The following MAGI2 variants were observed in gnomAD, a reference collection of about 807,000 sequenced individuals.
The protein encoded by MAGI2 is membrane associated guanylate kinase, WW and PDZ domain containing 2.
A neutral mutation model predicts 133.3 loss-of-function variants in MAGI2; 35 were observed. The ratio of observed to expected loss-of-function variants is 0.26; its 90% CI spans 0.20 to 0.35. The LOEUF (loss-of-function observed/expected upper bound fraction) is 0.35. Among genes scored for constraint, MAGI2 ranks in the 10% least tolerant of loss-of-function variants. MAGI2 has a pLI of 1.00. For synonymous variants in MAGI2, 729 were observed against 710.6 expected (o/e 1.03, Z -0.41); for missense variants, 1,636 against 1,863.4 (o/e 0.88, Z 2.25).
chr7:79,123,534 C>T (rs1455983757), intron 1 of MAGI2, among the ~76,000 whole-genome samples: 1 of 151,920 alleles, frequency 6.6e-6, no homozygotes, highest in Non-Finnish European at 1.5e-5. Context: ...GCCTGTAATC[C>T]CAGCACTTTG....
chr7:78,504,424 G>A (rs956057379), intron 4 of MAGI2, among the ~76,000 whole-genome samples: 1 of 152,074 alleles, frequency 6.6e-6, no homozygotes, highest in African/African-American at 2.4e-5. Flanking sequence ...CTTATTTGTT[G>A]GGGAAGAGTA....
chr7:78,708,404 GAAT>G (rs1448620467), intron 2 of MAGI2, among the ~76,000 whole-genome samples: 6 of 152,218 alleles, frequency 3.9e-5, no homozygotes, highest in South Asian at 2.1e-4. Context: ...CATCTTTCAA[GAAT>G]AATTCAGAGC....
intron 2 of MAGI2, among the ~76,000 whole-genome samples, chr7:78,696,391 T>A (rs1817517708): frequency 6.6e-6 from 1 of 152,226 alleles, no homozygotes; most frequent in Non-Finnish European, 1.5e-5. Flanking sequence ...ACCCTCCTAC[T>A]GTGGCAAAAT....
chr7:78,741,985 C>G (rs971847109), intron 2 of MAGI2, among the ~76,000 whole-genome samples: 1 of 151,644 alleles, frequency 6.6e-6, no homozygotes, highest in African/African-American at 2.4e-5. Context: ...TGATTAATAA[C>G]TAGAAATTAA....
chr7:79,449,200 C>G (rs1215749548), intron 1 of MAGI2, among the ~76,000 whole-genome samples: 1 of 151,994 alleles, frequency 6.6e-6, no homozygotes, highest in Non-Finnish European at 1.5e-5. Flanking sequence ...TGAAGTCAGT[C>G]AAGAAGAAAG....
At chr7:79,115,945 A>AT (rs1429970550) in intron 1 of MAGI2, among the ~76,000 whole-genome samples, 2 of 140,370 alleles carry the variant, frequency 1.4e-5, no homozygotes, top group Non-Finnish European at 3.0e-5. Context: ...ATAAAACACC[A>AT]TTTTCCAGAT....
intron 1 of MAGI2, among the ~76,000 whole-genome samples, chr7:79,369,200 G>A (rs1842913435): frequency 6.6e-6 from 1 of 152,038 alleles, no homozygotes; most frequent in East Asian, 1.9e-4. Flanking sequence ...CTTAGAAAAC[G>A]ACTTCTTATG....
intron 1 of MAGI2, among the ~76,000 whole-genome samples, chr7:79,023,243 T>A (rs1809526537): frequency 6.6e-6 from 1 of 152,146 alleles, no homozygotes; most frequent in Non-Finnish European, 1.5e-5. Flanking sequence ...ACAACATGAT[T>A]ATATCAATAG....
At chr7:78,877,601 A>G (rs1442643130) in intron 2 of MAGI2, among the ~76,000 whole-genome samples, 2 of 152,216 alleles carry the variant, frequency 1.3e-5, no homozygotes, top group African/African-American at 2.4e-5. Flanking sequence ...AGGCACTGCT[A>G]TTAATCAGCT....
At chr7:79,056,623 T>C (rs917929200) in intron 1 of MAGI2, among the ~76,000 whole-genome samples, 1 of 152,200 alleles carries the variant, frequency 6.6e-6, no homozygotes, top group South Asian at 2.1e-4. Context: ...CTCCTTCTAA[T>C]TGGGTAGATG....
chr7:78,624,242 A>G (rs2150947563), intron 3 of MAGI2, among the ~76,000 whole-genome samples: 1 of 152,136 alleles, frequency 6.6e-6, no homozygotes, highest in Middle Eastern at 3.4e-3. Context: ...AGATTGAGAC[A>G]TTTTCTCCCA....
chr7:79,130,528 A>T (rs1585001197), intron 1 of MAGI2, among the ~76,000 whole-genome samples: 1 of 152,170 alleles, frequency 6.6e-6, no homozygotes, highest in East Asian at 1.9e-4. Context: ...TTCACATCAC[A>T]TGCATCACAT....
At chr7:78,251,249 A>C (rs1792354308) in intron 10 of MAGI2, among the ~76,000 whole-genome samples, 1 of 152,230 alleles carries the variant, frequency 6.6e-6, no homozygotes, top group Non-Finnish European at 1.5e-5. Context: ...GATAAAGGGC[A>C]TATAAAAATC....
intron 1 of MAGI2, among the ~76,000 whole-genome samples, chr7:79,101,994 T>C (rs894683541): frequency 3.3e-5 from 5 of 152,076 alleles, no homozygotes; most frequent in African/African-American, 1.2e-4. Context: ...TTTTGCTTTA[T>C]ACCTTACATT....
rs115945255 is a variant in MAGI2, at chr7:78,184,059, T to A, written c.2311+1570A>T. On this transcript the variant is annotated intron_variant, in intron 13 of 21. Coordinates refer to ENST00000354212, the MANE Select transcript of MAGI2 (RefSeq NM_012301.4). ...TTTAAAAAGGTAAAAACTATTACTT[T>A]GCATATATGTCAAAGTAATCTAAAC... 1.7e-3 allele frequency among the ~76,000 whole-genome samples: 265 copies of A among 152,382 alleles called. 1 individual carries two copies. Among genetic ancestry groups the A allele is most frequent in the African/African-American group, 6.1e-3 (253 of 41,598 alleles).
At chr7:78,458,851 G>A (rs960329281) in intron 6 of MAGI2, among the ~76,000 whole-genome samples, 3 of 152,104 alleles carry the variant, frequency 2.0e-5, no homozygotes, top group African/African-American at 7.2e-5. Context: ...AGCCAGGATG[G>A]TCTAGATCTC....
intron 6 of MAGI2, among the ~76,000 whole-genome samples, chr7:78,413,504 G>A (rs1798037832): frequency 6.6e-6 from 1 of 151,996 alleles, no homozygotes; most frequent in Non-Finnish European, 1.5e-5. Context: ...TTAACATTAA[G>A]ATCCCATTAG....
At chr7:79,337,803 C>T (rs576460649) in intron 1 of MAGI2, among the ~76,000 whole-genome samples, 13 of 152,246 alleles carry the variant, frequency 8.5e-5, no homozygotes, top group African/African-American at 3.1e-4. Context: ...AGACAGAACA[C>T]AGGGCTCCAT....
chr7:78,145,538 T>G (rs1823218577), intron 16 of MAGI2, among the ~76,000 whole-genome samples: 2 of 152,178 alleles, frequency 1.3e-5, no homozygotes, highest in South Asian at 4.1e-4. Flanking sequence ...CTATAGGTCA[T>G]AAGGATTACG....
Sources: gnomAD v4.1 joint callset for allele counts (sites outside exome capture counted in the v4.1 genomes callset) on GRCh38, gnomAD v4.1.1 for gene constraint, MANE v1.5 for transcripts, NCBI Gene and HGNC (gene_info 2026-07-23, HGNC 2026-07-21) for gene names.